The following CPD variants were observed in gnomAD, a reference collection of about 807,000 sequenced individuals.
The protein encoded by CPD is carboxypeptidase D, also known as metallocarboxypeptidase D.
Under a neutral mutation model 138.3 loss-of-function variants are expected in CPD, and 69 were observed. The ratio of observed to expected loss-of-function variants is 0.50; its 90% CI spans 0.41 to 0.61. CPD has a LOEUF of 0.61. Among genes scored for constraint, CPD ranks in the 20% least tolerant of loss-of-function variants. The pLI is 0.00. For missense variants in CPD, 1,432 were observed against 1,733.3 expected, an observed-to-expected ratio of 0.83 and a Z score of 3.09; for synonymous variants, 651 against 642.1, an observed-to-expected ratio of 1.01 and a Z score of -0.21.
intron 2 of CPD, among the ~76,000 whole-genome samples, chr17:30,412,272 C>G (rs1286319183): frequency 6.6e-6 from 1 of 152,172 alleles, no homozygotes; most frequent in African/African-American, 2.4e-5. Flanking sequence ...GGGCACCTGC[C>G]TGTATGAGGT....
At chr17:30,406,565 C>G (rs1471820537) in intron 2 of CPD, among the ~76,000 whole-genome samples, 2 of 152,064 alleles carry the variant, frequency 1.3e-5, no homozygotes, top group African/African-American at 2.4e-5. Context: ...TTACTGTAAA[C>G]TTGATCTTCT....
chr17:30,455,606 AT>A, intron 15 of CPD, 136 bp downstream of exon 15: 1 of 918,376 alleles, frequency 1.1e-6, no homozygotes, highest in Non-Finnish European at 1.6e-6. Flanking sequence ...ACCAAAGAAG[AT>A]TGTACATACA....
intron 12 of CPD, among the ~76,000 whole-genome samples, chr17:30,446,604 T>C (rs1365902744): frequency 1.3e-5 from 2 of 152,342 alleles, no homozygotes; most frequent in East Asian, 3.9e-4. Context: ...GTTCCAAGTC[T>C]TTGCTATTGT....
chr17:30,437,993 T>C (rs1479287024), intron 8 of CPD, among the ~76,000 whole-genome samples: 1 of 148,244 alleles, frequency 6.7e-6, no homozygotes, highest in East Asian at 1.9e-4. Flanking sequence ...TGTAGCACCA[T>C]GTGTGGCTTT....
In CPD at chr17:30,379,008, C is replaced by T. The variant is rs760202323; in HGVS notation, c.28C>T (p.Pro10Ser). MASGRDERP[P>S]WRLGRLLLLM... ...GGCGAGCGGCCGGGACGAGCGGCCG[C>T]CTTGGCGGCTAGGGCGGCTCCTGTT... The change falls in exon 1 of 21, where the codon CCT becomes TCT. Residue 10 changes from proline to serine, a missense_variant. Pro to Ser is a moderately conservative substitution (Grantham distance 74, BLOSUM62 -1). Transcript: ENST00000225719. This position sits in a 1 kb window ranked among gnomAD's most constrained non-coding sequence, Gnocchi z 7.0. 14 of 1,549,284 alleles carry T rather than the reference C, an allele frequency of 9.0e-6. No individual in the cohort carries two copies. The highest frequency in any genetic ancestry group is 1.2e-5 in the Non-Finnish European group (14 of 1,157,416).
At chr17:30,414,536 T>G (rs917307200) in intron 2 of CPD, among the ~76,000 whole-genome samples, 3 of 148,332 alleles carry the variant, frequency 2.0e-5, no homozygotes, top group African/African-American at 7.5e-5. Flanking sequence ...TGAGCTGAGA[T>G]CACACCACTG....
At position 30,379,072 on chromosome 17, in the gene CPD, C is replaced by T; in HGVS notation, c.92C>T (p.Ala31Val). Residue 31 changes from alanine to valine, a missense_variant, in exon 1 of 21, where the codon GCG becomes GTG. Ala to Val is a moderately conservative substitution (Grantham distance 64, BLOSUM62 0). Coordinates refer to ENST00000225719, the MANE Select transcript of CPD (RefSeq NM_001304.5). This position sits in a 1 kb window ranked among gnomAD's most constrained non-coding sequence, Gnocchi z 7.0. ...CTGCTGCTGGGGAGCTCGGCCCGGG[C>T]GGCTCACATCAAGAAGGCGGAGGCG... ...CLLLLGSSAR[A>V]AHIKKAEATT... The T allele has an allele frequency of 1.3e-6, 2 of 1,560,252 alleles. No individual in the cohort carries two copies. Among genetic ancestry groups the T allele is most frequent in the African/African-American group, 1.4e-5 (1 of 71,240 alleles).
Position 30,379,865 on chromosome 17 carries a change from A to C in CPD, c.746+139A>C. The C allele has an allele frequency of 1.8e-6, 1 of 567,476 alleles. No homozygotes were observed. Among genetic ancestry groups the C allele is most frequent in the Middle Eastern group, 2.9e-4 (1 of 3,454 alleles). 35.2% of individuals were successfully genotyped at this position (567,476 alleles called of 1,614,324 possible). A position where few individuals can be genotyped will look rare whatever the true frequency, so the allele number is the denominator to read the frequency against. ...TGAAGGGAGACACCCTGTAACGGGG[A>C]CAGGGCCCAGGCCGCGTAGCCTCCC... On this transcript the variant is annotated intron_variant, in intron 1 of 20. Transcript: ENST00000225719. The surrounding 1 kb of genome is among the most constrained non-coding windows in gnomAD (Gnocchi z 7.0).
intron 2 of CPD, 35 bp downstream of exon 2, chr17:30,385,271 C>T (rs1371420758): frequency 3.7e-6 from 6 of 1,607,482 alleles, no homozygotes; most frequent in South Asian, 2.2e-5. Context: ...CATTTTCCCC[C>T]TTGTTCGTTG....
At chr17:30,449,888 A>C (rs745937796) in intron 13 of CPD, 140 bp downstream of exon 13, 12 of 664,042 alleles carry the variant, frequency 1.8e-5, no homozygotes, top group African/African-American at 3.8e-5. Context: ...ACTCTTTAAA[A>C]ATGAACCATC....
chr17:30,439,114 T>A, intron 9 of CPD, 37 bp downstream of exon 9: 2 of 1,182,412 alleles, frequency 1.7e-6, no homozygotes, highest in Non-Finnish European at 2.4e-6. Flanking sequence ...TACAACTTGA[T>A]GGCCTTTCTG....
At chr17:30,380,466 G>T in intron 1 of CPD, 1 of 1,291,258 alleles carries the variant, frequency 7.7e-7, no homozygotes, top group Non-Finnish European at 9.8e-7. Context: ...ACTCTGAAGG[G>T]TTTGTGATGT....
intron 6 of CPD, 57 bp from the exon 7 acceptor site, chr17:30,427,334 T>C (rs1209418263): frequency 7.2e-6 from 11 of 1,522,610 alleles, no homozygotes; most frequent in Non-Finnish European, 9.1e-6. Flanking sequence ...TAGTACGTGT[T>C]GGAATAAAAT....
intron 2 of CPD, among the ~76,000 whole-genome samples, chr17:30,393,054 A>C (rs1265418599): frequency 6.6e-6 from 1 of 152,244 alleles, no homozygotes; most frequent in Non-Finnish European, 1.5e-5. Context: ...CTCTGGAAGA[A>C]GAATAAACTG....
At chr17:30,433,381 A>C (rs527246510) in intron 8 of CPD, among the ~76,000 whole-genome samples, 1 of 152,142 alleles carries the variant, frequency 6.6e-6, no homozygotes, top group East Asian at 1.9e-4. Context: ...TTTGGCTTCT[A>C]GTTCCTTATC....
chr17:30,395,045 G>A (rs1242856512), intron 2 of CPD, among the ~76,000 whole-genome samples: 2 of 152,030 alleles, frequency 1.3e-5, no homozygotes, highest in Non-Finnish European at 2.9e-5. Context: ...AGGTCAAGAT[G>A]AGAAAGAGAT....
intron 8 of CPD, among the ~76,000 whole-genome samples, chr17:30,435,729 C>T (rs746122221): frequency 9.8e-5 from 15 of 152,288 alleles, no homozygotes; most frequent in African/African-American, 2.4e-4. Context: ...ATTCCACAAA[C>T]TGGGTGGTCT....
rs774726703 is a variant in CPD at position 30,421,668 on chromosome 17, A to T, written c.1142A>T (p.His381Leu). 1 of 1,613,454 alleles carries T rather than the reference A, an allele frequency of 6.2e-7. No homozygotes were observed. The highest frequency in any genetic ancestry group is 8.5e-7 in the Non-Finnish European group (1 of 1,179,682). Residue 381 changes from histidine (H) to leucine (L), a missense_variant, in exon 4 of 21, where the codon CAC becomes CTC. This residue lies in a region of CPD where 160 missense variants were observed against 197.9 expected (regional missense o/e 0.81). Coordinates refer to ENST00000225719, the MANE Select transcript of CPD (RefSeq NM_001304.5). ...ESLITLIEKV[H>L]IGVKGFVKDS... ...CTTGGATTCTTGTCTTCTTAGGTTC[A>T]CATTGGAGTGAAAGGATTTGTTAAA...
In CPD at chr17:30,437,503, A is replaced by G. The variant is rs1028493949; in HGVS notation, c.2128-1472A>G. Among the ~76,000 whole-genome samples, 9 of 152,118 alleles carry G rather than the reference A, an allele frequency of 5.9e-5. No homozygotes were observed. The East Asian group carries it at 1.7e-3, about 29-fold the overall frequency. On this transcript the variant is annotated intron_variant, in intron 8 of 20. Transcript: ENST00000225719. ...AGTTCGAGACCAGCCTGGGCAACAT[A>G]GTCAAACCCCATCCCTACAAAAAAT...
Sources: gnomAD v4.1 joint callset for allele counts (sites outside exome capture counted in the v4.1 genomes callset) on GRCh38, gnomAD v4.1.1 for gene constraint, gnomAD v4.1.1 regional missense constraint, Gnocchi (gnomAD v3.1) non-coding constraint, MANE v1.5 for transcripts, NCBI Gene and HGNC (gene_info 2026-07-23, HGNC 2026-07-21) for gene names.